LUC7L: variants seen among roughly 807,000 people sequenced by gnomAD.
The protein encoded by LUC7L is LUC7 like.
LUC7L carries 29 observed loss-of-function variants against 51.1 expected under a neutral mutation model. The observed-to-expected ratio is 0.57, with a 90% CI of 0.42 to 0.77. The LOEUF is 0.77. Ranked by LOEUF, LUC7L falls within the 30% of genes least tolerant of loss-of-function variation. The probability of loss-of-function intolerance (pLI) is 0.00; values close to 1 mark genes in which losing one functional copy is unlikely to be tolerated. For synonymous variants in LUC7L, 181 were observed against 180.7 expected, an observed-to-expected ratio of 1.00 and a Z score of -0.01; for missense variants, 403 against 511.9, an observed-to-expected ratio of 0.79 and a Z score of 2.05.
At chr16:223,628 C>T (rs190118179) in intron 2 of LUC7L, among the ~76,000 whole-genome samples, 3 of 151,980 alleles carry the variant, frequency 2.0e-5, no homozygotes, top group Admixed American at 6.6e-5. Flanking sequence ...CTTAAAATCA[C>T]TGTCACTGAA....
At chr16:201,562 C>T (rs2049330834) in intron 5 of LUC7L, among the ~76,000 whole-genome samples, 1 of 151,960 alleles carries the variant, frequency 6.6e-6, no homozygotes, top group Non-Finnish European at 1.5e-5. Context: ...GCCTCAGCCT[C>T]CTGAGTAGCT....
intron 5 of LUC7L, among the ~76,000 whole-genome samples, chr16:201,989 C>CT (rs1320191587): frequency 2.6e-5 from 4 of 152,074 alleles, no homozygotes; most frequent in Non-Finnish European, 5.9e-5. Context: ...GGTGATGCAC[C>CT]TACCTTGGCC....
chr16:221,186 ATTTTTTTTTTTTTTTTTTT>A (rs372906826), intron 2 of LUC7L, among the ~76,000 whole-genome samples: 1 of 101,260 alleles, frequency 9.9e-6, no homozygotes, highest in Non-Finnish European at 1.9e-5. Context: ...CACCCAGCTA[ATTTTTTTTTTTTTTTTTTT>A]TTTTTTTTTT....
rs1023581333 is a variant in LUC7L, at chr16:189,641, A to G, written c.975-302T>C. ...TACGTAAAAACACAATGGAAAAAAA[A>G]ATATCAAAAACAAAAACCAAAACAG... On this transcript the variant is annotated intron_variant, in intron 9 of 9. Transcript: ENST00000293872. The G allele has an allele frequency of 7.5e-6, 10 of 1,325,452 alleles. No individual in the cohort carries two copies. In the East Asian group the frequency reaches 2.7e-4, roughly 36 times the overall value. The allele number at this position is 1,325,452 out of a possible 1,614,324, so 82.1% of individuals were successfully genotyped here.
chr16:189,612 A>C, intron 9 of LUC7L: 1 of 1,336,818 alleles, frequency 7.5e-7, no homozygotes, highest in Non-Finnish European at 9.6e-7. Flanking sequence ...ACAGAACATG[A>C]CACTACGTAA....
At chr16:196,002 T>G (rs1009704448) in intron 6 of LUC7L, among the ~76,000 whole-genome samples, 2 of 152,196 alleles carry the variant, frequency 1.3e-5, no homozygotes, top group African/African-American at 4.8e-5. Context: ...ACAAGCTTTC[T>G]AACCAAGTTA....
At chr16:222,862 T>C (rs2050012600) in intron 2 of LUC7L, among the ~76,000 whole-genome samples, 1 of 148,672 alleles carries the variant, frequency 6.7e-6, no homozygotes, top group Non-Finnish European at 1.5e-5. Flanking sequence ...ACTGCTGACC[T>C]CAGGTGATCC....
Position 203,951 on chromosome 16 carries a change from G to C in LUC7L, c.510+2053C>G, listed in dbSNP as rs1199933347. On this transcript the variant is annotated intron_variant, in intron 5 of 9. Transcript: ENST00000293872. ...GAATCGCTTGAGCCCGGGAGGCGGA[G>C]GTTGCAGTGAGCCGAGATCACGCCA... Among the ~76,000 whole-genome samples the C allele has an allele frequency of 5.9e-5, 9 of 152,000 alleles. No homozygotes were observed. The South Asian group carries it at 1.7e-3, about 28-fold the overall frequency.
intron 3 of LUC7L, among the ~76,000 whole-genome samples, chr16:215,424 G>A (rs994329283): frequency 2.6e-5 from 4 of 151,964 alleles, no homozygotes; most frequent in Non-Finnish European, 5.9e-5. Flanking sequence ...TTTGAGACCA[G>A]CCTGACCAGT....
At chr16:215,613 A>G (rs1430477623) in intron 3 of LUC7L, among the ~76,000 whole-genome samples, 1 of 150,852 alleles carries the variant, frequency 6.6e-6, no homozygotes, top group Non-Finnish European at 1.5e-5. Context: ...ACAAAAGCAA[A>G]ACTCCGTCTC....
chr16:212,662 GAAAACTTTTC>G (rs757169576), intron 3 of LUC7L, among the ~76,000 whole-genome samples: 4 of 152,020 alleles, frequency 2.6e-5, no homozygotes, highest in South Asian at 2.1e-4. Flanking sequence ...ATGTTGTTTT[GAAAACTTTTC>G]AAAACATCAC....
chr16:205,669 A>G (rs770670007), intron 5 of LUC7L, among the ~76,000 whole-genome samples: 2 of 152,218 alleles, frequency 1.3e-5, no homozygotes, highest in African/African-American at 4.8e-5. Flanking sequence ...AGCTCACTGC[A>G]AGCTCCGCCT....
At chr16:213,133 A>T (rs1182693856) in intron 3 of LUC7L, among the ~76,000 whole-genome samples, 1 of 152,180 alleles carries the variant, frequency 6.6e-6, no homozygotes, top group African/African-American at 2.4e-5. Flanking sequence ...TGAGAAACTT[A>T]GTTTATTTAT....
At chr16:200,292 C>A (rs145677715) in intron 5 of LUC7L, among the ~76,000 whole-genome samples, 3 of 151,844 alleles carry the variant, frequency 2.0e-5, no homozygotes, top group African/African-American at 7.3e-5. Flanking sequence ...GGCGTGGTGG[C>A]GGGCGCCTGT....
intron 5 of LUC7L, among the ~76,000 whole-genome samples, chr16:204,590 T>C (rs781351239): frequency 1.2e-4 from 18 of 144,640 alleles, no homozygotes; most frequent in Non-Finnish European, 2.1e-4. Context: ...CGAGACTCCA[T>C]CTCAAAAAAA....
chr16:214,811 C>T (rs577651329), intron 3 of LUC7L, among the ~76,000 whole-genome samples: 1 of 152,148 alleles, frequency 6.6e-6, no homozygotes. Context: ...CAGGCATGGA[C>T]CACTACACCT....
chr16:220,614 G>A (rs750069681), intron 3 of LUC7L, 35 bp downstream of exon 3: 122 of 1,461,814 alleles, frequency 8.3e-5, no homozygotes, highest in Non-Finnish European at 1.1e-4. Flanking sequence ...TGGGTTCTTC[G>A]CAGTAGGAAT....
chr16:189,003 T>C lies in LUC7L; in HGVS notation c.*195A>G. 1.8e-6 allele frequency: 1 copy of C among 559,594 alleles called. No individual in the cohort carries two copies. Among genetic ancestry groups the C allele is most frequent in the South Asian group, 2.9e-5 (1 of 34,692 alleles). 34.7% of individuals were successfully genotyped at this position (559,594 alleles called of 1,614,324 possible). A position where few individuals can be genotyped will look rare whatever the true frequency, so the allele number is the denominator to read the frequency against. On this transcript the variant is annotated 3_prime_UTR_variant, in exon 10 of 10. Coordinates refer to ENST00000293872, the MANE Select transcript of LUC7L (RefSeq NM_201412.3). ...CCCCCCGCAGCCTCAGGAGGCAGCA[T>C]CAGATTTATTTATTCCTACTCAACA...
At chr16:201,736 GCTT>G (rs1210701901) in intron 5 of LUC7L, among the ~76,000 whole-genome samples, 1 of 129,892 alleles carries the variant, frequency 7.7e-6, no homozygotes, top group African/African-American at 3.0e-5. Flanking sequence ...ACCGCACCAG[GCTT>G]TTTTTTTTTT....
Sources: allele counts gnomAD v4.1 joint callset (sites outside exome capture counted in the v4.1 genomes callset), GRCh38; gene constraint gnomAD v4.1.1; transcripts MANE v1.5; gene names NCBI Gene and HGNC (gene_info 2026-07-23, HGNC 2026-07-21).